The following SLC12A7 variants were observed in gnomAD, a reference collection of about 807,000 sequenced individuals.
SLC12A7 encodes the protein solute carrier family 12 member 7.
SLC12A7 carries 100 observed loss-of-function variants against 120.6 expected under a neutral mutation model. That is an observed-to-expected ratio of 0.83 (90% confidence interval 0.71 to 0.98). The LOEUF is 0.98. Ranked by LOEUF, SLC12A7 falls within the 50% of genes least tolerant of loss-of-function variation. The pLI is 0.00. For missense variants in SLC12A7, 1,373 were observed against 1,548.1 expected (o/e 0.89, Z 1.90); for synonymous variants, 760 against 678.0 (o/e 1.12, Z -1.88).
In SLC12A7 at chr5:1,077,942, A is replaced by G; in HGVS notation, c.1520T>C (p.Ile507Thr). The G allele has an allele frequency of 6.2e-7, 1 of 1,601,686 alleles. No homozygotes were observed. Among genetic ancestry groups the G allele is most frequent in the Non-Finnish European group, 8.5e-7 (1 of 1,174,698 alleles). ...GMLAWPSPWV[I>T]VIGSFFSTCG... ...GGTGGAGAAGAAGGAGCCGATGACGATGACCCAGGGGGAGGGCCAGGCCAG... is the reference window on the plus strand; with the variant it reads ...GGTGGAGAAGAAGGAGCCGATGACGGTGACCCAGGGGGAGGGCCAGGCCAG... Residue 507 changes from isoleucine (I) to threonine (T), a missense_variant, in exon 12 of 24, where the codon ATC (isoleucine) becomes ACC (threonine). By Grantham distance (89) the Ile-to-Thr change is moderately conservative. Transcript: ENST00000264930.
intron 17 of SLC12A7, among the ~76,000 whole-genome samples, chr5:1,066,126 C>CTG (rs1311620126): frequency 1.3e-5 from 2 of 152,188 alleles, no homozygotes; most frequent in African/African-American, 4.8e-5. Context: ...ACCCTCTGAC[C>CTG]TTCAGGCCCT....
rs758611973 is a variant in SLC12A7 at position 1,064,205 on chromosome 5, T to C, written c.2485A>G (p.Lys829Glu). The C allele has an allele frequency of 1.2e-6, 2 of 1,612,322 alleles. No homozygotes were observed. Among genetic ancestry groups the C allele is most frequent in the Admixed American group, 3.3e-5 (2 of 60,002 alleles). The change falls in exon 19 of 24, where the codon AAG becomes GAG. Residue 829 changes from lysine to glutamate, a missense_variant. Lys to Glu is a moderately conservative substitution (Grantham distance 56). Transcript: ENST00000264930. ...TAAHQALLVA[K>E]NVDSFPQNQE... The stretch of plus-strand genomic sequence containing the variant: ...TTTTGCGGAAACGAGTCGACGTTCT[T>C]GGCCACCAGCAGAGCCTGGTGCGCG...
At chr5:1,097,550 C>T (rs1345078599) in intron 1 of SLC12A7, among the ~76,000 whole-genome samples, 1 of 152,374 alleles carries the variant, frequency 6.6e-6, no homozygotes, top group Non-Finnish European at 1.5e-5. Context: ...GAGATCCCTG[C>T]GTCTGACTGT....
chr5:1,069,727 G>T (rs936014099), intron 17 of SLC12A7, among the ~76,000 whole-genome samples: 6 of 152,162 alleles, frequency 3.9e-5, no homozygotes, highest in African/African-American at 1.4e-4. Context: ...CAGGTGACGT[G>T]ACGTGACGTG....
intron 6 of SLC12A7, 115 bp downstream of exon 6, chr5:1,086,788 A>C: frequency 1.4e-6 from 2 of 1,387,014 alleles, no homozygotes; most frequent in Non-Finnish European, 2.0e-6. Flanking sequence ...CAGCCAGGGC[A>C]GTGGGGTCAG....
At chr5:1,057,035 C>A (rs562084185) in intron 22 of SLC12A7, among the ~76,000 whole-genome samples, 2 of 152,350 alleles carry the variant, frequency 1.3e-5, no homozygotes, top group South Asian at 4.1e-4. Flanking sequence ...CTGAGTAAAG[C>A]AGGCCTGGCC....
At position 1,094,134 on chromosome 5, in the gene SLC12A7, C is replaced by A. The variant is rs779260205; in HGVS notation, c.219+20G>T. 5 of 1,599,238 alleles carry A rather than the reference C, an allele frequency of 3.1e-6. No individual in the cohort carries two copies. The highest frequency in any genetic ancestry group is 4.3e-6 in the Non-Finnish European group (5 of 1,167,184). On this transcript the variant is annotated intron_variant, in intron 2 of 23. Transcript: ENST00000264930. ...AAAGCAACGGCCCTGGCACCTTCTTCTTCTAAAAAGTAAAGTTACCTCGAA... is the reference window on the plus strand; with the variant it reads ...AAAGCAACGGCCCTGGCACCTTCTTATTCTAAAAAGTAAAGTTACCTCGAA...
At chr5:1,124,186 G>C in the SLC12A7 span, among the ~76,000 whole-genome samples, 1 of 152,192 alleles carries the variant, frequency 6.6e-6, no homozygotes, top group East Asian at 1.9e-4. Context: ...CGTCCTCAGG[G>C]ACCCACTTCA....
chr5:1,111,408 CG>C (rs1742993369), intron 1 of SLC12A7, among the ~76,000 whole-genome samples: 3 of 151,848 alleles, frequency 2.0e-5, no homozygotes, highest in African/African-American at 7.2e-5. Context: ...CAGGGTCAGG[CG>C]GGGGCAGGAC....
Position 1,075,785 on chromosome 5 carries a change from T to C in SLC12A7, c.1848-295A>G. ...GGGGCTGAAGCGTCCACCCAGCGCCTGATTCCTGGGGAGGGGAGTTAAGAA... is the reference window on the plus strand; with the variant it reads ...GGGGCTGAAGCGTCCACCCAGCGCCCGATTCCTGGGGAGGGGAGTTAAGAA... On this transcript the variant is annotated intron_variant, in intron 14 of 23. Coordinates refer to ENST00000264930, the MANE Select transcript of SLC12A7 (RefSeq NM_006598.3). 2 of 495,870 alleles carry C rather than the reference T, an allele frequency of 4.0e-6. 1 individual carries two copies. Among genetic ancestry groups the C allele is most frequent in the Admixed American group, 7.2e-5 (2 of 27,830 alleles). 30.7% of individuals were successfully genotyped at this position (495,870 alleles called of 1,614,324 possible).
At chr5:1,128,329 C>T in the SLC12A7 span, among the ~76,000 whole-genome samples, 3 of 152,222 alleles carry the variant, frequency 2.0e-5, no homozygotes, top group Middle Eastern at 3.2e-3. Context: ...ACGGAGCAGT[C>T]AGGCCCAGTG....
intron 1 of SLC12A7, among the ~76,000 whole-genome samples, chr5:1,098,302 C>T (rs868722887): frequency 4.0e-5 from 1 of 25,222 alleles, no homozygotes; most frequent in Non-Finnish European, 7.4e-5. Context: ...CCCAGCCCCC[C>T]TCTAACCCTC....
Position 1,098,084 on chromosome 5 carries a change from GCCCCCTCCAACCCTCTGCACACCCAGC to G in SLC12A7, c.125-3863_125-3837del, listed in dbSNP as rs1325450114. ...TCTCTAACCTTCTGCACACCCAGCC[GCCCCCTCCAACCCTCTGCACACCCAGC>G]CCCCCTCTAACCCTCTGCAAGCCCA... On this transcript the variant is annotated intron_variant, in intron 1 of 23. Transcript: ENST00000264930. Among the ~76,000 whole-genome samples, 36 of 101,708 alleles carry G rather than the reference GCCCCCTCCAACCCTCTGCACACCCAGC, an allele frequency of 3.5e-4. 1 individual carries two copies. Among genetic ancestry groups the G allele is most frequent in the African/African-American group, 9.6e-4 (23 of 24,082 alleles). The allele number at this position is 101,708 out of a possible 152,430, so 66.7% of individuals were successfully genotyped here.
intron 12 of SLC12A7, among the ~76,000 whole-genome samples, chr5:1,077,268 C>T (rs991417003): frequency 6.6e-6 from 1 of 152,196 alleles, no homozygotes; most frequent in Non-Finnish European, 1.5e-5. Flanking sequence ...AAAGGCCCTG[C>T]GGGTCGGCAC....
At chr5:1,128,518 G>A in the SLC12A7 span, among the ~76,000 whole-genome samples, 1 of 152,186 alleles carries the variant, frequency 6.6e-6, no homozygotes, top group African/African-American at 2.4e-5. Flanking sequence ...GAAGGTTCTA[G>A]AATTCATCTT....
chr5:1,075,662 G>A (rs1053720364), intron 14 of SLC12A7, among the ~76,000 whole-genome samples, 172 bp from the exon 15 acceptor site: 3 of 152,216 alleles, frequency 2.0e-5, no homozygotes, highest in South Asian at 2.1e-4. Context: ...GAGGGGTGAC[G>A]TGGCTCCCTG....
At chr5:1,080,882 C>T (rs1738984599) in intron 9 of SLC12A7, among the ~76,000 whole-genome samples, 1 of 152,234 alleles carries the variant, frequency 6.6e-6, no homozygotes, top group Non-Finnish European at 1.5e-5. Flanking sequence ...GGGAGAGCAG[C>T]AGACAGGCTT....
Position 1,052,383 on chromosome 5 carries a change from C to T in SLC12A7, c.3229G>A (p.Glu1077Lys). 6.2e-7 allele frequency: 1 copy of T among 1,612,860 alleles called. No individual in the cohort carries two copies. Among genetic ancestry groups the T allele is most frequent in the Non-Finnish European group, 8.5e-7 (1 of 1,179,964 alleles). ...RVLLVRGGGREVITIYS is the reference protein window; with the variant it reads ...RVLLVRGGGRKVITIYS ...CATTAGGAGTAGATGGTGATCACCT[C>T]CCGGCCGCCACCCCTGACCAGGAGG... The change falls in exon 24 of 24, where the codon GAG (glutamate) becomes AAG (lysine). Residue 1077 changes from glutamate (E) to lysine (K), a missense_variant. Physicochemically the swap from Glu to Lys is moderately conservative, Grantham distance 56. Transcript: ENST00000264930.
chr5:1,077,646 T>C (rs1036179950), intron 12 of SLC12A7, among the ~76,000 whole-genome samples, 187 bp downstream of exon 12: 49 of 151,460 alleles, frequency 3.2e-4, no homozygotes, highest in African/African-American at 9.2e-4. Flanking sequence ...AGGGCTAGAA[T>C]TGCCTCTGCC....
Sources: allele counts gnomAD v4.1 joint callset (sites outside exome capture counted in the v4.1 genomes callset), GRCh38; gene constraint gnomAD v4.1.1; transcripts MANE v1.5; gene names NCBI Gene and HGNC (gene_info 2026-07-23, HGNC 2026-07-21).